The following PHACTR1 variants were observed in gnomAD, a reference collection of about 807,000 sequenced individuals.
The protein encoded by PHACTR1 is RPEL repeat containing 1.
In PHACTR1, 16 loss-of-function variants were observed where a neutral mutation model predicts 69.2. The ratio of observed to expected loss-of-function variants is 0.23; its 90% CI spans 0.16 to 0.35. The LOEUF (loss-of-function observed/expected upper bound fraction) is 0.35, where lower values mean the gene tolerates loss of function less well. Among genes scored for constraint, PHACTR1 ranks in the 10% least tolerant of loss-of-function variants. PHACTR1 has a pLI of 1.00. For synonymous variants in PHACTR1, 312 were observed against 284.5 expected (o/e 1.10, Z -0.97); for missense variants, 510 against 734.7 (o/e 0.69, Z 3.54).
Position 13,079,181 on chromosome 6 carries a change from C to T in PHACTR1, c.415+25652C>T, listed in dbSNP as rs572882890. Among the ~76,000 whole-genome samples the T allele has an allele frequency of 1.2e-3, 177 of 152,268 alleles. 1 individual carries two copies. Among genetic ancestry groups the T allele is most frequent in the Non-Finnish European group, 5.3e-4 (36 of 68,028 alleles). On this transcript the variant is annotated intron_variant, in intron 5 of 14. Coordinates refer to ENST00000332995, the MANE Select transcript of PHACTR1 (RefSeq NM_030948.6). ...ATTTGAATCATGATCACGGCTCTTC[C>T]TCATGAAGAGGCAATGCCAACTCAT... is the stretch of plus-strand genomic sequence containing the variant.
At position 13,270,163 on chromosome 6, in the gene PHACTR1, C is replaced by T. The variant is rs189493113; in HGVS notation, c.1392-2697C>T. On this transcript the variant is annotated intron_variant, in intron 10 of 14. Transcript: ENST00000332995. ...GTGTTCAAATAATTTGCTAAGACAG[C>T]TCACAGAACTCAGGGAAACACTTAC... Among the ~76,000 whole-genome samples, 3 of 152,336 alleles carry T rather than the reference C, an allele frequency of 2.0e-5. No homozygotes were observed. In the East Asian group the frequency reaches 5.8e-4, roughly 29 times the overall value.
chr6:13,061,109 T>C (rs1203480011), intron 5 of PHACTR1, among the ~76,000 whole-genome samples: 1 of 152,160 alleles, frequency 6.6e-6, no homozygotes, highest in Non-Finnish European at 1.5e-5. Context: ...AATTTGAATC[T>C]CTGCCAGCAC....
intron 4 of PHACTR1, among the ~76,000 whole-genome samples, chr6:12,951,241 C>A (rs1485129629): frequency 2.6e-5 from 4 of 152,212 alleles, no homozygotes; most frequent in Admixed American, 6.5e-5. Context: ...GTGAAACTGT[C>A]CGCTTTGCTC....
intron 9 of PHACTR1, 104 bp from the exon 10 acceptor site, chr6:13,229,933 C>T: frequency 1.5e-6 from 2 of 1,345,684 alleles, no homozygotes; most frequent in Non-Finnish European, 2.0e-6. Context: ...GTGTTAAAAC[C>T]TTGATGACTT....
intron 4 of PHACTR1, among the ~76,000 whole-genome samples, chr6:13,014,435 G>A (rs879594335): frequency 6.6e-6 from 1 of 152,196 alleles, no homozygotes; most frequent in African/African-American, 2.4e-5. Context: ...CGAGGCTTAG[G>A]GGATTTGTCG....
chr6:12,775,079 G>A (rs1278472623), intron 4 of PHACTR1, among the ~76,000 whole-genome samples: 1 of 152,144 alleles, frequency 6.6e-6, no homozygotes, highest in East Asian at 1.9e-4. Context: ...TGTGAAGAGG[G>A]TGAGCAGGGA....
At chr6:13,006,592 A>C (rs1173989783) in intron 4 of PHACTR1, among the ~76,000 whole-genome samples, 1 of 151,200 alleles carries the variant, frequency 6.6e-6, no homozygotes, top group African/African-American at 2.5e-5. Context: ...AAATAAGGTG[A>C]TATATACACA....
intron 4 of PHACTR1, among the ~76,000 whole-genome samples, chr6:12,994,951 T>C (rs760894986): frequency 2.3e-4 from 35 of 152,094 alleles, no homozygotes; most frequent in African/African-American, 3.4e-4. Flanking sequence ...TTGTTAATCA[T>C]AGACCCTCAC....
At chr6:13,019,072 A>ATGTT (rs780505347) in intron 4 of PHACTR1, among the ~76,000 whole-genome samples, 1 of 144,714 alleles carries the variant, frequency 6.9e-6, no homozygotes, top group African/African-American at 2.5e-5. Flanking sequence ...ATATATATAT[A>ATGTT]TATTTTTTCT....
chr6:13,064,557 T>C (rs1425159356), intron 5 of PHACTR1, among the ~76,000 whole-genome samples: 2 of 1,410 alleles, frequency 1.4e-3, no homozygotes, highest in African/African-American at 2.1e-3. Context: ...GATATATATA[T>C]ATATATATAT....
intron 5 of PHACTR1, among the ~76,000 whole-genome samples, chr6:13,143,331 A>G (rs1195616311): frequency 6.6e-6 from 1 of 152,218 alleles, no homozygotes; most frequent in Non-Finnish European, 1.5e-5. Context: ...GGTGATAGAT[A>G]CCCATTTACT....
At chr6:13,110,563 G>C (rs747587527) in intron 5 of PHACTR1, among the ~76,000 whole-genome samples, 6 of 152,146 alleles carry the variant, frequency 3.9e-5, no homozygotes, top group African/African-American at 1.4e-4. Context: ...CTCCTCTCTA[G>C]TACTCTGTTT....
intron 6 of PHACTR1, among the ~76,000 whole-genome samples, chr6:13,178,579 C>T (rs757931920): frequency 3.3e-5 from 5 of 152,242 alleles, no homozygotes; most frequent in Non-Finnish European, 5.9e-5. Context: ...TAGCCTCCAG[C>T]GGGTTGCTAT....
chr6:13,201,380 A>G (rs545333456), intron 7 of PHACTR1, among the ~76,000 whole-genome samples: 3 of 152,326 alleles, frequency 2.0e-5, no homozygotes, highest in Admixed American at 6.5e-5. Flanking sequence ...TGAAGAGAGA[A>G]GGAGCGTGGT....
Position 13,182,666 on chromosome 6 carries a change from CA to C in PHACTR1, c.645del (p.Asp216ThrfsTer12). ...DPCSYEVLQPSDIMDGPDPGA... is the reference protein window; with the variant it reads ...DPCSYEVLQPXDIMDGPDPGA... ...TGCTCATATGAGGTGCTCCAACCGT[CA>C]GACATCATGGATGGGCCAGGTAATG... On this transcript the variant is annotated frameshift_variant, in exon 7 of 15. Coordinates refer to ENST00000332995, the MANE Select transcript of PHACTR1 (RefSeq NM_030948.6). LOFTEE classifies it high-confidence loss of function. 1 of 1,569,616 alleles carries C rather than the reference CA, an allele frequency of 6.4e-7. No individual in the cohort carries two copies. Among genetic ancestry groups the C allele is most frequent in the Non-Finnish European group, 8.6e-7 (1 of 1,159,586 alleles).
At chr6:13,063,875 A>C (rs1397824364) in intron 5 of PHACTR1, among the ~76,000 whole-genome samples, 3 of 152,276 alleles carry the variant, frequency 2.0e-5, no homozygotes, top group African/African-American at 7.2e-5. Flanking sequence ...GAATCTGCTC[A>C]TGAAGGGTCT....
chr6:13,142,202 A>C (rs961816387), intron 5 of PHACTR1, among the ~76,000 whole-genome samples: 1 of 152,228 alleles, frequency 6.6e-6, no homozygotes, highest in Non-Finnish European at 1.5e-5. Flanking sequence ...TCCTGGGTTC[A>C]AGCAATTCTC....
intron 4 of PHACTR1, among the ~76,000 whole-genome samples, chr6:12,962,849 TC>T (rs1256931563): frequency 1.3e-5 from 2 of 152,188 alleles, no homozygotes; most frequent in Non-Finnish European, 2.9e-5. Flanking sequence ...TCATCCAGGT[TC>T]CTGCCATGTT....
chr6:12,808,934 G>C (rs1005372994), intron 4 of PHACTR1, among the ~76,000 whole-genome samples: 1 of 151,796 alleles, frequency 6.6e-6, no homozygotes, highest in Non-Finnish European at 1.5e-5. Context: ...CTGGAGTGCA[G>C]TGGTGCAATC....
Sources: allele counts gnomAD v4.1 joint callset (sites outside exome capture counted in the v4.1 genomes callset), GRCh38; gene constraint gnomAD v4.1.1; transcripts MANE v1.5; gene names NCBI Gene and HGNC (gene_info 2026-07-23, HGNC 2026-07-21).